KIAA0825: variants seen among roughly 807,000 people sequenced by gnomAD.
KIAA0825 encodes KIAA0825.
Under a neutral mutation model 147.6 loss-of-function variants are expected in KIAA0825, and 119 were observed. That is an observed-to-expected ratio of 0.81 (90% CI 0.69 to 0.94). The LOEUF (loss-of-function observed/expected upper bound fraction) is 0.94, where lower values mean the gene tolerates loss of function less well. KIAA0825 is among the 40% of genes least tolerant of loss of function. The pLI, the probability that KIAA0825 is intolerant of heterozygous loss-of-function variation, is 0.00. For missense variants in KIAA0825, 1,381 were observed against 1,472.7 expected (o/e 0.94, Z 1.02); for synonymous variants, 470 against 518.1 (o/e 0.91, Z 1.26).
At chr5:94,216,037 G>T (rs1401358304) in intron 20 of KIAA0825, among the ~76,000 whole-genome samples, 2 of 152,006 alleles carry the variant, frequency 1.3e-5, no homozygotes, top group Non-Finnish European at 2.9e-5. Context: ...CCCATGCCGG[G>T]TTCCTCTACC....
intron 20 of KIAA0825, among the ~76,000 whole-genome samples, chr5:94,181,310 G>T (rs1356861567): frequency 6.6e-6 from 1 of 152,082 alleles, no homozygotes; most frequent in African/African-American, 2.4e-5. Flanking sequence ...CAAGAGATTT[G>T]GTATTCCTCT....
rs112295170 is a variant in KIAA0825, at chr5:94,391,498, C to G, written c.3456+37G>C. 7.7e-6 allele frequency: 12 copies of G among 1,550,730 alleles called. No individual in the cohort carries two copies. The African/African-American group carries it at 1.2e-4, about 16-fold the overall frequency. ...CAGCAGACGCTGCCTCAGGCCAGTA[C>G]ACACCTAATTGCTCGATAAAAAGGC... On this transcript the variant is annotated intron_variant, in intron 18 of 20. Transcript: ENST00000682413.
intron 10 of KIAA0825, among the ~76,000 whole-genome samples, chr5:94,467,677 T>C (rs1760723216): frequency 6.6e-6 from 1 of 152,238 alleles, no homozygotes; most frequent in South Asian, 2.1e-4. Context: ...GAGCAAACAT[T>C]GCTGCATATC....
intron 20 of KIAA0825, among the ~76,000 whole-genome samples, chr5:94,245,453 A>G (rs1303257179): frequency 6.6e-6 from 1 of 152,182 alleles, no homozygotes; most frequent in Non-Finnish European, 1.5e-5. Flanking sequence ...ACAATAAAAT[A>G]TCTAATTCCT....
intron 20 of KIAA0825, among the ~76,000 whole-genome samples, chr5:94,234,115 C>T (rs1774893269): frequency 6.6e-6 from 1 of 152,038 alleles, no homozygotes; most frequent in African/African-American, 2.4e-5. Context: ...GCCTGTAATC[C>T]CAGCACTTTG....
At chr5:94,532,573 C>T (rs1257245639) in intron 3 of KIAA0825, among the ~76,000 whole-genome samples, 4 of 151,506 alleles carry the variant, frequency 2.6e-5, no homozygotes, top group African/African-American at 9.7e-5. Flanking sequence ...CCAGACAGCC[C>T]TGTTGCCTAA....
chr5:94,253,904 C>T (rs1841298), intron 20 of KIAA0825, among the ~76,000 whole-genome samples: 19,928 of 152,134 alleles, frequency 0.13, 1,551 homozygotes, highest in East Asian at 0.22. Context: ...TTCTGTAGCA[C>T]AATGCATCTT....
intron 15 of KIAA0825, among the ~76,000 whole-genome samples, chr5:94,406,063 A>C (rs1229061555): frequency 6.6e-6 from 1 of 152,004 alleles, no homozygotes; most frequent in Non-Finnish European, 1.5e-5. Context: ...AGTAGCTGGG[A>C]TTACAGGCAT....
At chr5:94,249,498 G>T (rs1195542686) in intron 20 of KIAA0825, among the ~76,000 whole-genome samples, 2 of 152,102 alleles carry the variant, frequency 1.3e-5, no homozygotes, top group Non-Finnish European at 2.9e-5. Context: ...TGACAGCAGA[G>T]CACTAAACGG....
intron 2 of KIAA0825, among the ~76,000 whole-genome samples, chr5:94,547,736 C>CAA (rs144612994): frequency 2.5e-4 from 32 of 127,648 alleles, no homozygotes; most frequent in African/African-American, 2.9e-4. Flanking sequence ...GACTCCCTTT[C>CAA]AAAAAAAAAA....
intron 1 of KIAA0825, among the ~76,000 whole-genome samples, chr5:94,589,902 C>T (rs942560350): frequency 1.3e-5 from 2 of 150,552 alleles, no homozygotes; most frequent in African/African-American, 4.9e-5. Flanking sequence ...AAATAGATGG[C>T]TATTTTGTTA....
chr5:94,496,062 G>A (rs935287579), intron 5 of KIAA0825, among the ~76,000 whole-genome samples: 2 of 152,282 alleles, frequency 1.3e-5, no homozygotes, highest in Non-Finnish European at 2.9e-5. Flanking sequence ...GGTGGGAAGG[G>A]ATAAAAAGGG....
At chr5:94,523,604 A>C (rs1300407979) in intron 4 of KIAA0825, among the ~76,000 whole-genome samples, 1 of 151,602 alleles carries the variant, frequency 6.6e-6, no homozygotes, top group Non-Finnish European at 1.5e-5. Flanking sequence ...CATAATGAAT[A>C]TGAACTTTTC....
chr5:94,313,810 C>T (rs1349612876), intron 20 of KIAA0825, among the ~76,000 whole-genome samples: 5 of 151,556 alleles, frequency 3.3e-5, no homozygotes, highest in Non-Finnish European at 7.4e-5. Context: ...TATCAGTTTT[C>T]ATACAGCCTA....
chr5:94,443,363 C>T lies in KIAA0825; in HGVS notation c.2358-3242G>A, dbSNP rs1168767290. On this transcript the variant is annotated intron_variant, in intron 13 of 20. Transcript: ENST00000682413. Reference sequence around the variant, plus strand: ...ATATATATATATGTATATATATACACACACACACACACACACACACGTATG... The same window carrying T: ...ATATATATATATGTATATATATACATACACACACACACACACACACGTATG... Among the ~76,000 whole-genome samples, 1,182 of 147,556 alleles carry T rather than the reference C, an allele frequency of 8.0e-3. 16 individuals are homozygous for T. Among genetic ancestry groups the T allele is most frequent in the African/African-American group, 0.027 (1,053 of 39,330 alleles).
At chr5:94,596,328 T>C (rs895076788) in intron 1 of KIAA0825, among the ~76,000 whole-genome samples, 2 of 152,224 alleles carry the variant, frequency 1.3e-5, no homozygotes, top group Non-Finnish European at 2.9e-5. Context: ...GCACAATTTA[T>C]TGAATAGGGG....
intron 20 of KIAA0825, among the ~76,000 whole-genome samples, chr5:94,211,854 T>C (rs145282572): frequency 1.3e-5 from 2 of 152,324 alleles, no homozygotes; most frequent in African/African-American, 2.4e-5. Context: ...TCCCTAACTA[T>C]GTTCTCAGAT....
intron 6 of KIAA0825, among the ~76,000 whole-genome samples, chr5:94,482,274 TAATC>T (rs1401534646): frequency 6.6e-6 from 1 of 152,056 alleles, no homozygotes; most frequent in African/African-American, 2.4e-5. Context: ...AATATTTGGT[TAATC>T]ATTTTTATAT....
rs555193792 is a variant in KIAA0825 at position 94,273,908 on chromosome 5, G to T, written c.3710+110460C>A. ...AATTCACAAAAGATATATACAAGGA[G>T]AAAAAAATATTAAGCTTATTTTGCC... On this transcript the variant is annotated intron_variant, in intron 20 of 20. Coordinates refer to ENST00000682413, the MANE Select transcript of KIAA0825 (RefSeq NM_001145678.3). Among the ~76,000 whole-genome samples the T allele has an allele frequency of 9.2e-5, 14 of 152,064 alleles. 1 individual carries two copies. In the South Asian group the frequency reaches 2.9e-3, roughly 32 times the overall value.
Sources: allele counts gnomAD v4.1 joint callset (sites outside exome capture counted in the v4.1 genomes callset), GRCh38; gene constraint gnomAD v4.1.1; transcripts MANE v1.5; gene names NCBI Gene and HGNC (gene_info 2026-07-23, HGNC 2026-07-21).